PCNT: variants seen among roughly 807,000 people sequenced by gnomAD.
The protein encoded by PCNT is kendrin.
PCNT carries 319 observed loss-of-function variants against 380.4 expected under a neutral mutation model. That is an observed-to-expected ratio of 0.84 (90% CI 0.77 to 0.92). The LOEUF is 0.92. Ranked by LOEUF, PCNT falls within the 40% of genes least tolerant of loss-of-function variation. The pLI is 0.00. For synonymous variants in PCNT, 1,845 were observed against 1,735.2 expected, an observed-to-expected ratio of 1.06 and a Z score of -1.57; for missense variants, 4,400 against 4,255.3, an observed-to-expected ratio of 1.03 and a Z score of -0.95.
rs201315836 is a variant in PCNT at position 46,389,307 on chromosome 21, G to T, written c.3716G>T (p.Arg1239Leu). Residue 1239 changes from arginine (R) to leucine (L), a missense_variant, in exon 19 of 47, where the codon CGT (arginine) becomes CTT (leucine). Arg to Leu is a moderately radical substitution (Grantham distance 102, BLOSUM62 -2). Transcript: ENST00000359568. The stretch of plus-strand genomic sequence containing the variant: ...GTGGCTGAAATTAGCAGCCACATGC[G>T]TGAAAGCTTTCTCATGAGCCCAGAA... ...SSVAEISSHM[R>L]ESFLMSPESV... The T allele has an allele frequency of 1.9e-6, 3 of 1,614,252 alleles. No individual in the cohort carries two copies. Among genetic ancestry groups the T allele is most frequent in the Non-Finnish European group, 2.5e-6 (3 of 1,180,046 alleles).
At chr21:46,430,358 C>T in intron 36 of PCNT, 126 bp downstream of exon 36, 5 of 1,381,306 alleles carry the variant, frequency 3.6e-6, no homozygotes, top group East Asian at 2.5e-5. Context: ...GCACCGCGCC[C>T]TGCTGTCCCT....
chr21:46,330,394 T>C (rs924107488), intron 2 of PCNT, among the ~76,000 whole-genome samples: 20 of 152,100 alleles, frequency 1.3e-4, no homozygotes, highest in Admixed American at 5.9e-4. Flanking sequence ...GCTGGAATTA[T>C]AGGTGTGAGC....
At chr21:46,406,240 A>G (rs548257830) in intron 27 of PCNT, among the ~76,000 whole-genome samples, 4 of 152,110 alleles carry the variant, frequency 2.6e-5, no homozygotes, top group African/African-American at 7.2e-5. Context: ...CTCATCCTCA[A>G]TGTGGGCCCT....
At chr21:46,366,055 C>T (rs2084918717) in intron 14 of PCNT, among the ~76,000 whole-genome samples, 1 of 151,360 alleles carries the variant, frequency 6.6e-6, no homozygotes. Flanking sequence ...TCTATTCACT[C>T]ACTGCCTTGG....
chr21:46,401,675 TAC>T lies in PCNT; in HGVS notation c.4918_4919del (p.Gln1640ValfsTer28). ...GGCAGCCCTCCTGAGGGTCCAGAAA[TAC>T]AGTTAGAGGTGACACAGAGAGCACT... On this transcript the variant is annotated frameshift_variant, in exon 26 of 47. Coordinates refer to ENST00000359568, the MANE Select transcript of PCNT (RefSeq NM_006031.6). LOFTEE classifies it high-confidence loss of function. 1 of 1,613,546 alleles carries T rather than the reference TAC, an allele frequency of 6.2e-7. No individual in the cohort carries two copies. Among genetic ancestry groups the T allele is most frequent in the Non-Finnish European group, 8.5e-7 (1 of 1,179,958 alleles).
chr21:46,417,083 C>A (rs1029124238), intron 30 of PCNT, among the ~76,000 whole-genome samples: 2 of 152,118 alleles, frequency 1.3e-5, no homozygotes, highest in African/African-American at 4.8e-5. Context: ...TCTCCACTGA[C>A]GCTGACTCCA....
At chr21:46,366,548 AT>A in intron 14 of PCNT, 35 bp from the exon 15 acceptor site, 1 of 1,568,706 alleles carries the variant, frequency 6.4e-7, no homozygotes, top group Non-Finnish European at 8.8e-7. Flanking sequence ...TTCCTGATGC[AT>A]GTTTAACTGT....
At chr21:46,398,342 C>T in intron 24 of PCNT, 87 bp downstream of exon 24, 1 of 1,359,886 alleles carries the variant, frequency 7.4e-7, no homozygotes, top group Non-Finnish European at 1.0e-6. Context: ...CACCCACTCG[C>T]TTTTCTTGCT....
At chr21:46,359,351 T>A (rs2084602210) in intron 13 of PCNT, among the ~76,000 whole-genome samples, 4 of 145,958 alleles carry the variant, frequency 2.7e-5, no homozygotes. Context: ...ATTTCTCTCT[T>A]GTTAATTTTA....
intron 2 of PCNT, among the ~76,000 whole-genome samples, 178 bp from the exon 3 acceptor site, chr21:46,334,219 A>T (rs2083655788): frequency 6.6e-6 from 1 of 152,020 alleles, no homozygotes; most frequent in South Asian, 2.1e-4. Context: ...AAAAAAAAAA[A>T]AATGTTTAGA....
At chr21:46,362,192 A>G (rs1021603770) in intron 13 of PCNT, among the ~76,000 whole-genome samples, 9 of 151,528 alleles carry the variant, frequency 5.9e-5, no homozygotes, top group African/African-American at 2.2e-4. Context: ...CCTCGTATGT[A>G]CAGATCGGGG....
At chr21:46,424,758 GTCTCCGCTCC>G (rs1176382000) in intron 32 of PCNT, among the ~76,000 whole-genome samples, 2 of 50,238 alleles carry the variant, frequency 4.0e-5, no homozygotes, top group Non-Finnish European at 7.4e-5. Flanking sequence ...TGCTCCCCCC[GTCTCCGCTCC>G]TCCCCGCACC....
At chr21:46,328,672 G>C (rs1281137090) in intron 2 of PCNT, among the ~76,000 whole-genome samples, 1 of 151,970 alleles carries the variant, frequency 6.6e-6, no homozygotes, top group Non-Finnish European at 1.5e-5. Context: ...TGTTGGTCAG[G>C]CTGGTCTTCA....
intron 15 of PCNT, among the ~76,000 whole-genome samples, chr21:46,381,402 T>G (rs749390856): frequency 7.9e-5 from 12 of 152,140 alleles, no homozygotes; most frequent in Non-Finnish European, 1.2e-4. Flanking sequence ...CTTAAAGATG[T>G]TACAGGAGCC....
intron 15 of PCNT, among the ~76,000 whole-genome samples, chr21:46,375,370 A>G (rs938368607): frequency 2.6e-5 from 4 of 152,214 alleles, no homozygotes; most frequent in African/African-American, 7.2e-5. Flanking sequence ...TCTCAATTGA[A>G]TGTCTTTGCC....
At chr21:46,365,750 C>T (rs1427651563) in intron 14 of PCNT, among the ~76,000 whole-genome samples, 2 of 143,084 alleles carry the variant, frequency 1.4e-5, no homozygotes, top group Admixed American at 7.1e-5. Context: ...CCGTGGGGTT[C>T]TATTCATTCA....
intron 19 of PCNT, 41 bp downstream of exon 19, chr21:46,389,472 A>G: frequency 5.3e-6 from 8 of 1,510,518 alleles, no homozygotes; most frequent in Non-Finnish European, 7.4e-6. Context: ...GATGTGAACA[A>G]CTGAGTAGCT....
Position 46,390,733 on chromosome 21 carries a change from A to G in PCNT, c.3904A>G (p.Thr1302Ala), listed in dbSNP as rs2086003935. ...AGAATTTAGTTTTAAGAATGAGGAG[A>G]CAGCACAGGTTGTCAGGAAGCACCA... ...EKEFSFKNEE[T>A]AQVVRKHQEL... The change falls in exon 20 of 47, where the codon ACA becomes GCA. Residue 1302 changes from threonine to alanine, a missense_variant. Thr to Ala is a moderately conservative substitution (Grantham distance 58, BLOSUM62 0). Coordinates refer to ENST00000359568, the MANE Select transcript of PCNT (RefSeq NM_006031.6). The G allele has an allele frequency of 6.2e-7, 1 of 1,613,836 alleles. No homozygotes were observed. The highest frequency in any genetic ancestry group is 8.5e-7 in the Non-Finnish European group (1 of 1,179,968).
intron 13 of PCNT, among the ~76,000 whole-genome samples, chr21:46,358,485 G>T (rs2084560265): frequency 6.6e-6 from 1 of 152,230 alleles, no homozygotes; most frequent in African/African-American, 2.4e-5. Context: ...GGAGCCCTGT[G>T]GGGAGCCGGA....
Sources: gnomAD v4.1 joint callset for allele counts (sites outside exome capture counted in the v4.1 genomes callset) on GRCh38, gnomAD v4.1.1 for gene constraint, MANE v1.5 for transcripts, NCBI Gene and HGNC (gene_info 2026-07-23, HGNC 2026-07-21) for gene names.